Variants in LYSMD3 observed in about 807,000 individuals in gnomAD.
The protein encoded by LYSMD3 is LysM domain containing 3, also known as lysM and putative peptidoglycan-binding domain-containing protein 3.
A neutral mutation model predicts 26.1 loss-of-function variants in LYSMD3; 13 were observed. The ratio of observed to expected loss-of-function variants is 0.50; its 90% confidence interval spans 0.32 to 0.79. The LOEUF is 0.79. Ranked by LOEUF, LYSMD3 falls within the 30% of genes least tolerant of loss-of-function variation. The probability of loss-of-function intolerance (pLI) is 0.03; values close to 1 mark genes in which losing one functional copy is unlikely to be tolerated. For missense variants in LYSMD3, 331 were observed against 362.5 expected, an observed-to-expected ratio of 0.91 and a Z score of 0.71; for synonymous variants, 109 against 119.4, an observed-to-expected ratio of 0.91 and a Z score of 0.57.
intron 2 of LYSMD3, 142 bp downstream of exon 2, chr5:90,524,892 CA>C (rs1753180312): frequency 2.5e-6 from 2 of 804,850 alleles, no homozygotes; most frequent in Non-Finnish European, 3.7e-6. Context: ...GCGCCCAGCC[CA>C]TGTGACACAG....
Position 90,519,307 on chromosome 5 carries a change from A to C in LYSMD3, c.433T>G (p.Leu145Val), listed in dbSNP as rs367838701. Residue 145 changes from leucine (L) to valine (V), a missense_variant, in exon 3 of 3, where the codon TTG becomes GTG. By Grantham distance (32) the Leu-to-Val change is conservative. Transcript: ENST00000315948. Reference protein sequence around the residue: ...VQYSSEQQEILPANDSLAYSD... With the variant: ...VQYSSEQQEIVPANDSLAYSD... ...TAAGCAAGAGAATCATTAGCTGGCA[A>C]AATTTCCTGTTGTTCGGAAGAGTAT... 22 of 1,613,980 alleles carry C rather than the reference A, an allele frequency of 1.4e-5. No homozygotes were observed. In the African/African-American group the frequency reaches 1.7e-4, roughly 13 times the overall value.
chr5:90,522,243 G>A (rs564608425), intron 2 of LYSMD3, among the ~76,000 whole-genome samples: 2 of 152,290 alleles, frequency 1.3e-5, no homozygotes, highest in South Asian at 4.1e-4. Context: ...CTCTGGCTTT[G>A]CCTTCTGCCG....
Position 90,516,754 on chromosome 5 carries a change from G to A in LYSMD3, c.*2065C>T, listed in dbSNP as rs959291077. On this transcript the variant is annotated 3_prime_UTR_variant, in exon 3 of 3. Transcript: ENST00000315948. The stretch of plus-strand genomic sequence containing the variant: ...AAACTACCTGATGTGTTATAAGGAT[G>A]TATATTTCCTTCAAAAAAGGATACT... 8.5e-5 allele frequency: 13 copies of A among 152,378 alleles called. No individual in the cohort carries two copies. The highest frequency in any genetic ancestry group is 1.8e-4 in the Non-Finnish European group (12 of 67,892). 9.4% of individuals were successfully genotyped at this position (152,378 alleles called of 1,614,324 possible).
chr5:90,517,065 A>T lies in LYSMD3; in HGVS notation c.*1754T>A, dbSNP rs551056507. The T allele has an allele frequency of 6.6e-6, 1 of 152,612 alleles. No homozygotes were observed. The highest frequency in any genetic ancestry group is 2.4e-5 in the African/African-American group (1 of 41,572). 9.5% of individuals were successfully genotyped at this position (152,612 alleles called of 1,614,324 possible). A position where few individuals can be genotyped will look rare whatever the true frequency, so the allele number is the denominator to read the frequency against. ...AATGACCAGTTAACACTAAGCATAA[A>T]TTATATCACACTCTTCTTTTCAAGA... On this transcript the variant is annotated 3_prime_UTR_variant, in exon 3 of 3. Transcript: ENST00000315948.
At chr5:90,520,248 T>G in intron 2 of LYSMD3, 1 of 385,558 alleles carries the variant, frequency 2.6e-6, no homozygotes, top group Non-Finnish European at 5.2e-6. Flanking sequence ...CCTATTCCAC[T>G]GTGTTGGGGG....
intron 2 of LYSMD3, 66 bp from the exon 3 acceptor site, chr5:90,519,550 T>C (rs1753040020): frequency 2.1e-6 from 3 of 1,438,842 alleles, no homozygotes; most frequent in Non-Finnish European, 2.8e-6. Context: ...GCAATAGTCA[T>C]TCATTCTAGT....
intron 2 of LYSMD3, among the ~76,000 whole-genome samples, chr5:90,520,074 C>A (rs187194924): frequency 1.3e-5 from 2 of 152,020 alleles, no homozygotes; most frequent in African/African-American, 4.8e-5. Flanking sequence ...GGTAATTTAT[C>A]CCCCTTATTT....
At chr5:90,521,515 A>C (rs1753088417) in intron 2 of LYSMD3, among the ~76,000 whole-genome samples, 1 of 152,092 alleles carries the variant, frequency 6.6e-6, no homozygotes, top group African/African-American at 2.4e-5. Flanking sequence ...AGGGTTGAAC[A>C]ATAACTAAAA....
In LYSMD3 at chr5:90,519,163, G is replaced by T; in HGVS notation, c.577C>A (p.Gln193Lys). 1 of 1,614,028 alleles carries T rather than the reference G, an allele frequency of 6.2e-7. No homozygotes were observed. The highest frequency in any genetic ancestry group is 1.7e-5 in the Admixed American group (1 of 60,012). Residue 193 changes from glutamine (Q) to lysine (K), a missense_variant, in exon 3 of 3, where the codon CAA (glutamine) becomes AAA (lysine). Coordinates refer to ENST00000315948, the MANE Select transcript of LYSMD3 (RefSeq NM_198273.2). ...TTGTTATCAGGTTCAAAACGCATTT[G>T]TTGTGCTGTTAAGGCCGATACTACC... ...NEVVSALTAQQMRFEPDNKNT... is the reference protein window; with the variant it reads ...NEVVSALTAQKMRFEPDNKNT...
Position 90,516,007 on chromosome 5 carries a change from A to G in LYSMD3, c.*2812T>C, listed in dbSNP as rs934897717. On this transcript the variant is annotated 3_prime_UTR_variant, in exon 3 of 3. Transcript: ENST00000315948. ...CTTCATGATATTTCTAAAACTAAGC[A>G]TATCCTTCATATTTTCAACTAGGTA... 24 of 152,282 alleles carry G rather than the reference A, an allele frequency of 1.6e-4. No individual in the cohort carries two copies. The highest frequency in any genetic ancestry group is 5.3e-4 in the African/African-American group (22 of 41,576). 9.4% of individuals were successfully genotyped at this position (152,282 alleles called of 1,614,324 possible).
At chr5:90,524,962 G>C in intron 2 of LYSMD3, 73 bp downstream of exon 2, 2 of 1,261,182 alleles carry the variant, frequency 1.6e-6, no homozygotes, top group Non-Finnish European at 2.2e-6. Context: ...GGTAAAAAAG[G>C]ACACAGAATT....
At chr5:90,519,966 G>GAA (rs897124402) in intron 2 of LYSMD3, among the ~76,000 whole-genome samples, 1 of 146,642 alleles carries the variant, frequency 6.8e-6, no homozygotes. Flanking sequence ...TATATCTAGG[G>GAA]AAAAAAAAAA....
chr5:90,525,462 T>G, intron 1 of LYSMD3, among the ~76,000 whole-genome samples, 162 bp from the exon 2 acceptor site: 1 of 152,204 alleles, frequency 6.6e-6, no homozygotes, highest in East Asian at 1.9e-4. Flanking sequence ...TGTTTTGTTT[T>G]GTTTTGAGAT....
intron 1 of LYSMD3, among the ~76,000 whole-genome samples, chr5:90,527,745 C>T (rs1291411503): frequency 1.3e-5 from 2 of 152,128 alleles, no homozygotes; most frequent in African/African-American, 2.4e-5. Context: ...GAAACACTTC[C>T]GGTCTCAAGC....
chr5:90,519,921 G>T (rs1045133419), intron 2 of LYSMD3, among the ~76,000 whole-genome samples: 1 of 150,990 alleles, frequency 6.6e-6, no homozygotes, highest in Non-Finnish European at 1.5e-5. Context: ...TCAAAACTAA[G>T]ATGCCATAAC....
chr5:90,519,876 G>A (rs1275959461), intron 2 of LYSMD3, among the ~76,000 whole-genome samples: 2 of 151,384 alleles, frequency 1.3e-5, no homozygotes, highest in Admixed American at 1.3e-4. Context: ...CTGGAATATA[G>A]ACAAATGCTA....
In LYSMD3 at chr5:90,529,543, G is replaced by A. The variant is rs751303354; in HGVS notation, c.-107C>T. 1.8e-5 allele frequency: 8 copies of A among 456,676 alleles called. No individual in the cohort carries two copies. In the East Asian group the frequency reaches 4.9e-4, roughly 28 times the overall value. The allele number at this position is 456,676 out of a possible 1,614,324, so 28.3% of individuals were successfully genotyped here. ...AAGTTCATGGCCGAGCCTCTGCTTT[G>A]GGCTGACCCCGTCCGCCTCCGCCTC... On this transcript the variant is annotated 5_prime_UTR_variant, in exon 1 of 3. Coordinates refer to ENST00000315948, the MANE Select transcript of LYSMD3 (RefSeq NM_198273.2).
Position 90,518,961 on chromosome 5 carries a change from T to C in LYSMD3, c.779A>G (p.His260Arg), listed in dbSNP as rs771105513. ...CTGTGATGGGGGTGTGATTTTTGAA[T>C]GTAAATGTGAAGAGTCCACTGTTGA... ...HHSTVDSSHL[H>R]SKITPPSQQR... Residue 260 changes from histidine (H) to arginine (R), a missense_variant, in exon 3 of 3, where the codon CAT becomes CGT. This residue lies in a region of LYSMD3 where 61 missense variants were observed against 66.8 expected (regional missense o/e 0.91). Coordinates refer to ENST00000315948, the MANE Select transcript of LYSMD3 (RefSeq NM_198273.2). 6.2e-7 allele frequency: 1 copy of C among 1,614,062 alleles called. No individual in the cohort carries two copies. The highest frequency in any genetic ancestry group is 1.7e-5 in the Admixed American group (1 of 60,018).
Position 90,518,749 on chromosome 5 carries a change from A to C in LYSMD3, c.*70T>G. On this transcript the variant is annotated 3_prime_UTR_variant, in exon 3 of 3. Coordinates refer to ENST00000315948, the MANE Select transcript of LYSMD3 (RefSeq NM_198273.2). Reference sequence around the variant, plus strand: ...TCTAAATTCTGCCTTTGAAGCTATTATTGGATATAACTGATTCACCACATT... The same window carrying C: ...TCTAAATTCTGCCTTTGAAGCTATTCTTGGATATAACTGATTCACCACATT... 1 of 1,381,436 alleles carries C rather than the reference A, an allele frequency of 7.2e-7. No individual in the cohort carries two copies. The highest frequency in any genetic ancestry group is 9.9e-7 in the Non-Finnish European group (1 of 1,009,108). 85.6% of individuals were successfully genotyped at this position (1,381,436 alleles called of 1,614,324 possible). A position where few individuals can be genotyped will look rare whatever the true frequency, so the allele number is the denominator to read the frequency against.
Sources: allele counts gnomAD v4.1 joint callset (sites outside exome capture counted in the v4.1 genomes callset), GRCh38; gene constraint gnomAD v4.1.1; regional missense constraint gnomAD v4.1.1; transcripts MANE v1.5; gene names NCBI Gene and HGNC (gene_info 2026-07-23, HGNC 2026-07-21).